RALGPS1: variants seen among roughly 807,000 people sequenced by gnomAD.
RALGPS1 encodes the protein Ral GEF with PH domain and SH3 binding motif 1.
A neutral mutation model predicts 78.8 loss-of-function variants in RALGPS1; 19 were observed. The observed-to-expected ratio is 0.24, with a 90% CI of 0.17 to 0.35. RALGPS1 has a LOEUF of 0.35. RALGPS1 is among the 10% of genes least tolerant of loss of function. RALGPS1 has a pLI of 1.00. For missense variants in RALGPS1, 454 were observed against 688.3 expected (o/e 0.66, Z 3.81); for synonymous variants, 228 against 256.3 (o/e 0.89, Z 1.06).
At position 127,174,313 on chromosome 9, in the gene RALGPS1, GA is replaced by G. The variant is rs768239500; in HGVS notation, c.843-393del. Reference sequence around the variant, plus strand: ...AGAGAAAGAAAGAGAAAGAAAGAAAGAAAAAAAAAGAAAAGAAAGAAAAAAC... The same window carrying G: ...AGAGAAAGAAAGAGAAAGAAAGAAAGAAAAAAAAGAAAAGAAAGAAAAAAC... On this transcript the variant is annotated intron_variant, in intron 10 of 18. Coordinates refer to ENST00000259351, the MANE Select transcript of RALGPS1 (RefSeq NM_014636.3). 1.5e-4 allele frequency among the ~76,000 whole-genome samples: 20 copies of G among 136,012 alleles called. 1 individual carries two copies. The highest frequency in any genetic ancestry group is 9.6e-4 in the Admixed American group (14 of 14,530). 89.2% of individuals were successfully genotyped at this position (136,012 alleles called of 152,430 possible).
intron 4 of RALGPS1, among the ~76,000 whole-genome samples, chr9:126,992,440 A>T (rs1471033310): frequency 6.6e-6 from 1 of 152,204 alleles, no homozygotes; most frequent in Non-Finnish European, 1.5e-5. Flanking sequence ...TCTTGAAATT[A>T]GGTAGTGTAC....
At chr9:127,107,813 G>A in intron 8 of RALGPS1, 23 of 1,244,384 alleles carry the variant, frequency 1.8e-5, no homozygotes, top group Non-Finnish European at 1.1e-6. Flanking sequence ...CTTTGGCCTG[G>A]CTTCAACTGG....
intron 10 of RALGPS1, among the ~76,000 whole-genome samples, chr9:127,171,291 A>G (rs980691417): frequency 1.3e-5 from 2 of 152,232 alleles, no homozygotes; most frequent in African/African-American, 4.8e-5. Context: ...GAAGGATAGA[A>G]TATTAAAATT....
At chr9:126,920,175 T>A (rs558929484) in intron 1 of RALGPS1, among the ~76,000 whole-genome samples, 1 of 152,200 alleles carries the variant, frequency 6.6e-6, no homozygotes, top group Admixed American at 6.5e-5. Context: ...TTGAATAGTG[T>A]GATGGACCTG....
chr9:127,102,966 G>C (rs2053878449), intron 8 of RALGPS1, among the ~76,000 whole-genome samples: 1 of 152,214 alleles, frequency 6.6e-6, no homozygotes, highest in South Asian at 2.1e-4. Flanking sequence ...GACCTTGAAG[G>C]CTGACTCAGG....
intron 7 of RALGPS1, among the ~76,000 whole-genome samples, chr9:127,054,219 TTCCAAG>T (rs1299816771): frequency 6.6e-6 from 1 of 152,244 alleles, no homozygotes; most frequent in African/African-American, 2.4e-5. Flanking sequence ...AGCCCTGTGA[TTCCAAG>T]TCCATCTGAC....
chr9:126,933,617 G>C (rs887933932), intron 1 of RALGPS1, among the ~76,000 whole-genome samples: 2 of 152,178 alleles, frequency 1.3e-5, no homozygotes, highest in Non-Finnish European at 2.9e-5. Flanking sequence ...CCAGGTTAGA[G>C]GAGGGTCGGG....
At position 127,222,448 on chromosome 9, in the gene RALGPS1, TATCTGCTCC is replaced by T. The variant is rs1386646309; in HGVS notation, c.*3682_*3690del. 6.6e-6 allele frequency: 1 copy of T among 152,264 alleles called. No individual in the cohort carries two copies. Among genetic ancestry groups the T allele is most frequent in the Admixed American group, 6.5e-5 (1 of 15,290 alleles). The allele number at this position is 152,264 out of a possible 1,614,324, so 9.4% of individuals were successfully genotyped here. A position where few individuals can be genotyped will look rare whatever the true frequency, so the allele number is the denominator to read the frequency against. ...AGAGAGTAGGGTCAAACTGTCACAG[TATCTGCTCC>T]ATAGGTTTCTGTTTTTAATTTCAAT... On this transcript the variant is annotated 3_prime_UTR_variant, in exon 19 of 19. Coordinates refer to ENST00000259351, the MANE Select transcript of RALGPS1 (RefSeq NM_014636.3).
intron 14 of RALGPS1, among the ~76,000 whole-genome samples, chr9:127,210,129 C>T (rs1053196689): frequency 7.2e-5 from 11 of 152,186 alleles, no homozygotes; most frequent in African/African-American, 2.7e-4. Context: ...GCCAGAGGGC[C>T]GCCCACGGAG....
intron 4 of RALGPS1, among the ~76,000 whole-genome samples, chr9:127,013,000 G>A (rs2044491017): frequency 6.6e-6 from 1 of 152,212 alleles, no homozygotes; most frequent in African/African-American, 2.4e-5. Flanking sequence ...AGTGCTATAT[G>A]GGAGGGGAGC....
intron 8 of RALGPS1, among the ~76,000 whole-genome samples, chr9:127,142,216 T>G (rs1287957563): frequency 2.0e-5 from 3 of 152,168 alleles, no homozygotes; most frequent in Non-Finnish European, 2.9e-5. Context: ...AGGGGATCCG[T>G]CCTTACAGAC....
Position 126,952,654 on chromosome 9 carries a change from A to AGTGTGTGTGTGTGTGTGTGT in RALGPS1, c.-65-9570_-65-9569insTGTGTGTGTGTGTGTGTGTG, listed in dbSNP as rs1392225698. ...GAGAGAGAGAGAGAGAGAGAGAGAGAGAGTGTGTGTGTGTGTGTGTGTGTG... is the reference window on the plus strand; with the variant it reads ...GAGAGAGAGAGAGAGAGAGAGAGAGAGTGTGTGTGTGTGTGTGTGTGAGTGTGTGTGTGTGTGTGTGTGTG... On this transcript the variant is annotated intron_variant, in intron 1 of 18. Transcript: ENST00000259351. Among the ~76,000 whole-genome samples, 121 of 138,058 alleles carry AGTGTGTGTGTGTGTGTGTGT rather than the reference A, an allele frequency of 8.8e-4. 1 individual carries two copies. The East Asian group carries it at 0.013, about 15-fold the overall frequency. The allele number at this position is 138,058 out of a possible 152,430, so 90.6% of individuals were successfully genotyped here.
intron 8 of RALGPS1, among the ~76,000 whole-genome samples, chr9:127,148,564 G>A (rs959060907): frequency 1.3e-5 from 2 of 152,212 alleles, no homozygotes; most frequent in Non-Finnish European, 2.9e-5. Context: ...CTCACTTAAT[G>A]CTCAGCCTGG....
intron 1 of RALGPS1, among the ~76,000 whole-genome samples, chr9:126,932,999 T>G (rs530022434): frequency 6.6e-6 from 1 of 151,926 alleles, no homozygotes; most frequent in Admixed American, 6.5e-5. Context: ...TTCCTTGTTG[T>G]AGGATCATGA....
intron 8 of RALGPS1, among the ~76,000 whole-genome samples, chr9:127,071,037 CTCTA>C (rs1283646836): frequency 4.7e-5 from 7 of 147,630 alleles, no homozygotes; most frequent in South Asian, 2.1e-4. Context: ...CTCTCTCTCT[CTCTA>C]TATATATATA....
rs146395395 is a variant in RALGPS1, at chr9:127,007,375, A to G, written c.217-27056A>G. On this transcript the variant is annotated intron_variant, in intron 4 of 18. Coordinates refer to ENST00000259351, the MANE Select transcript of RALGPS1 (RefSeq NM_014636.3). ...TTAGGCACCAGACACACATAGATGC[A>G]CATATTAGATTGTCAGGTCCCATTC... 3.7e-3 allele frequency among the ~76,000 whole-genome samples: 558 copies of G among 152,326 alleles called. 4 individuals carry two copies. The highest frequency in any genetic ancestry group is 0.013 in the African/African-American group (530 of 41,568).
chr9:126,982,521 T>C (rs1335335081), intron 4 of RALGPS1, among the ~76,000 whole-genome samples: 1 of 152,254 alleles, frequency 6.6e-6, no homozygotes, highest in Admixed American at 6.5e-5. Context: ...ACCACCATTT[T>C]TGAACGTGTA....
chr9:127,075,583 G>GA (rs2050603248), intron 8 of RALGPS1, among the ~76,000 whole-genome samples: 1 of 152,184 alleles, frequency 6.6e-6, no homozygotes, highest in South Asian at 2.1e-4. Context: ...TACAACATAG[G>GA]AAAAAATATC....
intron 1 of RALGPS1, among the ~76,000 whole-genome samples, chr9:126,952,364 A>G (rs1674604014): frequency 6.6e-6 from 1 of 152,128 alleles, no homozygotes; most frequent in Admixed American, 6.5e-5. Flanking sequence ...GCCGGTAAAC[A>G]GTGGAGTGAG....
Sources: gnomAD v4.1 joint callset for allele counts (sites outside exome capture counted in the v4.1 genomes callset) on GRCh38, gnomAD v4.1.1 for gene constraint, MANE v1.5 for transcripts, NCBI Gene and HGNC (gene_info 2026-07-23, HGNC 2026-07-21) for gene names.